Variants in CDH18 observed in about 807,000 individuals in gnomAD.
The protein encoded by CDH18 is cadherin 18.
CDH18 carries 31 observed loss-of-function variants against 67.9 expected under a neutral mutation model. The ratio of observed to expected loss-of-function variants is 0.46; its 90% CI spans 0.34 to 0.62. The LOEUF (loss-of-function observed/expected upper bound fraction) is 0.62, where lower values mean the gene tolerates loss of function less well. CDH18 is among the 20% of genes least tolerant of loss of function. The pLI is 0.01. For missense variants in CDH18, 890 were observed against 975.5 expected (o/e 0.91, Z 1.17); for synonymous variants, 362 against 347.2 (o/e 1.04, Z -0.48).
At chr5:19,967,843 C>A (rs564442288) in intron 2 of CDH18, among the ~76,000 whole-genome samples, 85 of 152,076 alleles carry the variant, frequency 5.6e-4, no homozygotes, top group Admixed American at 1.4e-3. Context: ...CTGGCCAGGG[C>A]AATTAGGCAG....
intron 2 of CDH18, among the ~76,000 whole-genome samples, chr5:19,877,039 GA>G (rs1787087560): frequency 6.6e-6 from 1 of 152,068 alleles, no homozygotes; most frequent in Non-Finnish European, 1.5e-5. Flanking sequence ...CACAGTAGAA[GA>G]ATGAATCCCC....
At chr5:20,138,715 T>C (rs184918447) in intron 2 of CDH18, among the ~76,000 whole-genome samples, 31 of 152,222 alleles carry the variant, frequency 2.0e-4, no homozygotes, top group African/African-American at 7.0e-4. Context: ...CCATTCACAA[T>C]TGCTTCAAAG....
chr5:19,870,045 C>T (rs1786064185), intron 2 of CDH18, among the ~76,000 whole-genome samples: 1 of 152,048 alleles, frequency 6.6e-6, no homozygotes, highest in Non-Finnish European at 1.5e-5. Context: ...TGTAGCTTTG[C>T]CATTTTATAA....
chr5:19,739,124 C>T (rs958174764), intron 4 of CDH18, among the ~76,000 whole-genome samples: 15 of 152,020 alleles, frequency 9.9e-5, no homozygotes, highest in South Asian at 2.1e-4. Context: ...AAATTAAGAG[C>T]CAATATTTCT....
chr5:20,027,751 T>A (rs1446335964), intron 2 of CDH18, among the ~76,000 whole-genome samples: 1 of 152,188 alleles, frequency 6.6e-6, no homozygotes, highest in Admixed American at 6.5e-5. Context: ...ATTTATGACT[T>A]AAATTTTGCT....
chr5:19,929,793 A>AAT, intron 2 of CDH18, among the ~76,000 whole-genome samples: 1 of 152,076 alleles, frequency 6.6e-6, no homozygotes, highest in East Asian at 1.9e-4. Flanking sequence ...CATTCATTAT[A>AAT]GTAAAAGGAA....
intron 1 of CDH18, among the ~76,000 whole-genome samples, chr5:20,527,676 G>A (rs943773568): frequency 3.3e-5 from 5 of 151,992 alleles, no homozygotes; most frequent in African/African-American, 1.2e-4. Flanking sequence ...TATAAGAGAA[G>A]GAGAAATAGA....
intron 11 of CDH18, among the ~76,000 whole-genome samples, chr5:19,492,673 AC>A (rs1358691193): frequency 5.3e-5 from 8 of 152,120 alleles, no homozygotes; most frequent in African/African-American, 1.9e-4. Context: ...TTATGTTATT[AC>A]CAACATATTA....
chr5:19,560,673 A>AATT (rs1340335467), intron 8 of CDH18, among the ~76,000 whole-genome samples: 10 of 152,168 alleles, frequency 6.6e-5, no homozygotes, highest in African/African-American at 2.4e-4. Context: ...GAACTTAATT[A>AATT]AAGTAAAAAG....
rs1422239166 is a variant in CDH18, at chr5:19,851,663, AT to A, written c.-256-12422del. Among the ~76,000 whole-genome samples, 5 of 151,900 alleles carry A rather than the reference AT, an allele frequency of 3.3e-5. No individual in the cohort carries two copies. The East Asian group carries it at 9.7e-4, about 29-fold the overall frequency. On this transcript the variant is annotated intron_variant, in intron 2 of 12. Coordinates refer to ENST00000382275, the MANE Select transcript of CDH18 (RefSeq NM_004934.5). Reference sequence around the variant, plus strand: ...TTTATGTCTCTTGTATACTTAACTTATTTTTTACTACCACATACCACATATT... The same window carrying A: ...TTTATGTCTCTTGTATACTTAACTTATTTTTACTACCACATACCACATATT...
intron 1 of CDH18, among the ~76,000 whole-genome samples, chr5:20,296,708 A>T (rs1469529668): frequency 6.6e-6 from 1 of 151,808 alleles, no homozygotes; most frequent in Non-Finnish European, 1.5e-5. Flanking sequence ...TTTTTACTTA[A>T]TTATATTGTA....
intron 1 of CDH18, among the ~76,000 whole-genome samples, chr5:20,486,694 T>TATATATATATATATATAC (rs1216735803): frequency 6.7e-6 from 1 of 150,352 alleles, no homozygotes; most frequent in South Asian, 2.1e-4. Flanking sequence ...TATATATATA[T>TATATATATATATATATAC]ATATACATAT....
intron 8 of CDH18, among the ~76,000 whole-genome samples, chr5:19,571,230 G>T (rs1741326636): frequency 6.6e-6 from 1 of 152,136 alleles, no homozygotes; most frequent in Admixed American, 6.6e-5. Flanking sequence ...ATCACGCTTT[G>T]TACTATATCT....
At position 20,300,816 on chromosome 5, in the gene CDH18, T is replaced by C. The variant is rs570282764; in HGVS notation, c.-579-45311A>G. ...TCTATAAGAATCATTTTCACTAAAA[T>C]AGTTTGAACAAGTCAACTTATTTTA... On this transcript the variant is annotated intron_variant, in intron 1 of 14. Transcript: ENST00000507958. Among the ~76,000 whole-genome samples the C allele has an allele frequency of 2.0e-5, 3 of 152,344 alleles. No individual in the cohort carries two copies. In the East Asian group the frequency reaches 5.8e-4, roughly 29 times the overall value.
At chr5:19,638,905 C>A (rs936281297) in intron 5 of CDH18, among the ~76,000 whole-genome samples, 1 of 137,584 alleles carries the variant, frequency 7.3e-6, no homozygotes. Context: ...TTTCTTCAGA[C>A]TTTTTGGGCA....
At chr5:20,341,682 A>C (rs1176344038) in intron 1 of CDH18, among the ~76,000 whole-genome samples, 1 of 151,982 alleles carries the variant, frequency 6.6e-6, no homozygotes, top group Non-Finnish European at 1.5e-5. Flanking sequence ...AATATTAAGG[A>C]TGGAGTTCTT....
intron 5 of CDH18, among the ~76,000 whole-genome samples, chr5:19,650,401 T>A (rs1438007244): frequency 6.6e-6 from 1 of 152,108 alleles, no homozygotes; most frequent in African/African-American, 2.4e-5. Flanking sequence ...AAAACATTTT[T>A]AAATTCGTAT....
intron 6 of CDH18, among the ~76,000 whole-genome samples, chr5:19,595,210 A>G (rs1022516066): frequency 6.6e-6 from 1 of 152,186 alleles, no homozygotes; most frequent in Non-Finnish European, 1.5e-5. Flanking sequence ...TAAAATCTGT[A>G]TAAATAAACT....
Position 19,866,817 on chromosome 5 carries a change from C to T in CDH18, c.-256-27575G>A, listed in dbSNP as rs976853668. Among the ~76,000 whole-genome samples the T allele has an allele frequency of 4.6e-5, 7 of 152,218 alleles. No homozygotes were observed. In the East Asian group the frequency reaches 7.7e-4, roughly 17 times the overall value. On this transcript the variant is annotated intron_variant, in intron 2 of 12. Coordinates refer to ENST00000382275, the MANE Select transcript of CDH18 (RefSeq NM_004934.5). The stretch of plus-strand genomic sequence containing the variant: ...TTAAAAAAATGCACTCTTGGCTGGG[C>T]GTGGTGGCTCACACCTGTAATCCCA...
Sources: allele counts gnomAD v4.1 joint callset (sites outside exome capture counted in the v4.1 genomes callset), GRCh38; gene constraint gnomAD v4.1.1; transcripts MANE v1.5; gene names NCBI Gene and HGNC (gene_info 2026-07-23, HGNC 2026-07-21).